The following ZGLP1 variants were observed in gnomAD, a reference collection of about 807,000 sequenced individuals.
The protein encoded by ZGLP1 is GATA-type zinc finger protein 1.
Under a neutral mutation model 21.4 loss-of-function variants are expected in ZGLP1, and 11 were observed. The ratio of observed to expected loss-of-function variants is 0.51; its 90% CI spans 0.32 to 0.85. ZGLP1 has a LOEUF of 0.85. ZGLP1 is among the 40% of genes least tolerant of loss of function. The probability of loss-of-function intolerance (pLI) is 0.03; values close to 1 mark genes in which losing one functional copy is unlikely to be tolerated. For missense variants in ZGLP1, 295 were observed against 355.6 expected (o/e 0.83, Z 1.37); for synonymous variants, 148 against 145.0 (o/e 1.02, Z -0.15).
chr19:10,308,956 A>C, exon 1 of ZGLP1: 1 of 291,876 alleles, frequency 3.4e-6, no homozygotes, highest in Non-Finnish European at 6.3e-6. Context: ...ATCAGGACTC[A>C]GTGCAGCCTA....
rs886857033 is a variant in ZGLP1, at chr19:10,308,826, G to A, written c.-145C>T. 7.9e-6 allele frequency: 5 copies of A among 629,414 alleles called. No individual in the cohort carries two copies. The Admixed American group carries it at 1.1e-4, about 14-fold the overall frequency. The allele number at this position is 629,414 out of a possible 1,614,324, so 39.0% of individuals were successfully genotyped here. A position where few individuals can be genotyped will look rare whatever the true frequency, so the allele number is the denominator to read the frequency against. ...CACCCAGGCAGGGACCGCCCTAGGT[G>A]ACCGAGGCAGGATATCAAGCCTCTG... On this transcript the variant is annotated 5_prime_UTR_variant, in exon 1 of 4. Transcript: ENST00000403903.
Position 10,305,302 on chromosome 19 carries a change from T to C in ZGLP1, c.698+88A>G. On this transcript the variant is annotated intron_variant, in intron 3 of 3. Transcript: ENST00000403903. This position sits in a 1 kb window ranked among gnomAD's most constrained non-coding sequence, Gnocchi z 4.7. ...CACTTTTCCCAAGAGGTAGGTGTTT[T>C]GCTTTTTGCTTTCCCCACAGGCCAT... 1.9e-6 allele frequency: 3 copies of C among 1,550,536 alleles called. No homozygotes were observed. The highest frequency in any genetic ancestry group is 2.6e-6 in the Non-Finnish European group (3 of 1,134,882).
chr19:10,308,270 C>T (rs2040290611), exon 1 of ZGLP1: 5 of 1,604,168 alleles, frequency 3.1e-6, no homozygotes, highest in Middle Eastern at 1.7e-4. Flanking sequence ...TCCACTCTCT[C>T]GGTGCCCCGG....
At position 10,305,122 on chromosome 19, in the gene ZGLP1, C is replaced by A. The variant is rs1353630756; in HGVS notation, c.785G>T (p.Gly262Val). Residue 262 changes from glycine to valine, a missense_variant, in exon 4 of 4, where the codon GGA becomes GTA. This residue lies in a region of ZGLP1 where 43 missense variants were observed against 91.7 expected (regional missense o/e 0.47). Transcript: ENST00000403903. The surrounding 1 kb of genome is among the most constrained non-coding windows in gnomAD (Gnocchi z 4.7). ...TTCCTGAATGGGGTCCAGGGACACTCCACATCTGCCACATAGCCTCTTGGG... is the reference window on the plus strand; with the variant it reads ...TTCCTGAATGGGGTCCAGGGACACTACACATCTGCCACATAGCCTCTTGGG... 6.2e-7 allele frequency: 1 copy of A among 1,613,978 alleles called. No homozygotes were observed. The highest frequency in any genetic ancestry group is 2.2e-5 in the East Asian group (1 of 44,870).
chr19:10,308,754 C>G lies in ZGLP1; in HGVS notation c.-73G>C. 3.7e-6 allele frequency: 5 copies of G among 1,362,346 alleles called. No homozygotes were observed. In the South Asian group the frequency reaches 1.0e-4, roughly 27 times the overall value. 84.4% of individuals were successfully genotyped at this position (1,362,346 alleles called of 1,614,324 possible). On this transcript the variant is annotated 5_prime_UTR_variant, in exon 1 of 4. Coordinates refer to ENST00000403903, the Ensembl canonical transcript of ZGLP1. Reference sequence around the variant, plus strand: ...CCTCGCCCACTGTGGGCCTCCCAGGCACGCCCAGCCCTCCACATCAATCAA... The same window carrying G: ...CCTCGCCCACTGTGGGCCTCCCAGGGACGCCCAGCCCTCCACATCAATCAA...
intron 1 of ZGLP1, among the ~76,000 whole-genome samples, chr19:10,306,372 CA>C: frequency 6.6e-6 from 1 of 152,116 alleles, no homozygotes; most frequent in African/African-American, 2.4e-5. Context: ...CTCGGCCTCC[CA>C]AAGTGCAGGG....
At chr19:10,308,606 G>A in exon 1 of ZGLP1, 1 of 1,548,696 alleles carries the variant, frequency 6.5e-7, no homozygotes, top group Non-Finnish European at 8.7e-7. Context: ...GGTTTAGCCG[G>A]CCAGGGGGTT....
chr19:10,308,767 C>G (rs2040295055), exon 1 of ZGLP1: 36 of 1,297,502 alleles, frequency 2.8e-5, no homozygotes, highest in Non-Finnish European at 3.6e-5. Context: ...GCCCAGCCCT[C>G]CACATCAATC....
Position 10,305,690 on chromosome 19 carries a change from G to C in ZGLP1, c.604+156C>G. On this transcript the variant is annotated intron_variant, in intron 2 of 3. Coordinates refer to ENST00000403903, the Ensembl canonical transcript of ZGLP1. This position sits in a 1 kb window ranked among gnomAD's most constrained non-coding sequence, Gnocchi z 4.7. Reference sequence around the variant, plus strand: ...CCGCAGAGGAGGAAGCTGGGGGTGGGGGTGACTCAGCCCAAGTGGAGGGGG... The same window carrying C: ...CCGCAGAGGAGGAAGCTGGGGGTGGCGGTGACTCAGCCCAAGTGGAGGGGG... 2.7e-6 allele frequency: 2 copies of C among 748,436 alleles called. No homozygotes were observed. The highest frequency in any genetic ancestry group is 2.3e-6 in the Non-Finnish European group (1 of 441,440). 46.4% of individuals were successfully genotyped at this position (748,436 alleles called of 1,614,324 possible).
In ZGLP1 at chr19:10,305,622, C is replaced by A; in HGVS notation, c.605-139G>T. 1 of 809,746 alleles carries A rather than the reference C, an allele frequency of 1.2e-6. No homozygotes were observed. 50.2% of individuals were successfully genotyped at this position (809,746 alleles called of 1,614,324 possible). ...GGATCAGCCCTGGGAGTTGCCAGCT[C>A]TAAGCCACAGCAAAGCCAGGAAGGG... On this transcript the variant is annotated intron_variant, in intron 2 of 3. Transcript: ENST00000403903. The surrounding 1 kb of genome is among the most constrained non-coding windows in gnomAD (Gnocchi z 4.7).
At chr19:10,308,678 T>C (rs2040294528) in exon 1 of ZGLP1, 1 of 1,493,812 alleles carries the variant, frequency 6.7e-7, no homozygotes, top group East Asian at 2.3e-5. Context: ...TGAGGTTCAG[T>C]CATTTCTAAC....
intron 1 of ZGLP1, among the ~76,000 whole-genome samples, chr19:10,307,115 C>G (rs1173011157): frequency 6.8e-6 from 1 of 148,010 alleles, no homozygotes; most frequent in Non-Finnish European, 1.5e-5. Context: ...GCCTGAACGA[C>G]AGAGTGCAAC....
intron 1 of ZGLP1, among the ~76,000 whole-genome samples, chr19:10,307,452 C>T (rs920832117): frequency 1.3e-5 from 2 of 150,802 alleles, no homozygotes; most frequent in African/African-American, 2.4e-5. Context: ...TGGGTTCAAG[C>T]GATTCTCCTG....
At chr19:10,309,690 G>C (rs1412619573) in exon 1 of ZGLP1, 4 of 152,266 alleles carry the variant, frequency 2.6e-5, no homozygotes, top group Admixed American at 1.3e-4. Context: ...ACCCCTGCGT[G>C]GCAAGGGCGG....
chr19:10,307,326 C>T (rs1489163022), intron 1 of ZGLP1, among the ~76,000 whole-genome samples: 2 of 148,482 alleles, frequency 1.3e-5, no homozygotes, highest in African/African-American at 5.0e-5. Flanking sequence ...GTGTGAGCCA[C>T]CAGGCCCAGC....
chr19:10,308,727 C>CTTA, exon 1 of ZGLP1: 1 of 1,433,502 alleles, frequency 7.0e-7, no homozygotes, highest in Non-Finnish European at 9.2e-7. Context: ...AATTGCAACT[C>CTTA]ACCTCGCCCA....
chr19:10,307,453 G>A (rs1467018946), intron 1 of ZGLP1, among the ~76,000 whole-genome samples: 6 of 150,130 alleles, frequency 4.0e-5, no homozygotes, highest in African/African-American at 1.2e-4. Flanking sequence ...GGGTTCAAGC[G>A]ATTCTCCTGC....
Position 10,305,982 on chromosome 19 carries a change from G to A in ZGLP1, c.498-30C>T. ...GGGGCAGACAAGGTATTAGCACTGG[G>A]GGGGATCTGTAGCTTGTCCCCAACA... On this transcript the variant is annotated intron_variant, in intron 1 of 3. Coordinates refer to ENST00000403903, the Ensembl canonical transcript of ZGLP1. The surrounding 1 kb of genome is among the most constrained non-coding windows in gnomAD (Gnocchi z 4.7). The A allele has an allele frequency of 6.7e-7, 1 of 1,483,388 alleles. No homozygotes were observed. The highest frequency in any genetic ancestry group is 9.2e-7 in the Non-Finnish European group (1 of 1,088,516). The allele number at this position is 1,483,388 out of a possible 1,614,324, so 91.9% of individuals were successfully genotyped here.
intron 1 of ZGLP1, 107 bp from the exon 3 acceptor site, chr19:10,306,059 G>A: frequency 3.0e-6 from 2 of 658,380 alleles, no homozygotes; most frequent in Middle Eastern, 3.2e-4. Context: ...CCCCGAGGAG[G>A]CAACTAATAT....
Sources: allele counts gnomAD v4.1 joint callset (sites outside exome capture counted in the v4.1 genomes callset), GRCh38; gene constraint gnomAD v4.1.1; regional missense constraint gnomAD v4.1.1; non-coding constraint Gnocchi (gnomAD v3.1); transcripts MANE v1.5; gene names NCBI Gene and HGNC (gene_info 2026-07-23, HGNC 2026-07-21).